Variants in ERBB4 observed in about 807,000 individuals in gnomAD.
ERBB4 encodes erb-b2 receptor tyrosine kinase 4.
ERBB4 carries 42 observed loss-of-function variants against 158.0 expected under a neutral mutation model. The observed-to-expected ratio is 0.27, with a 90% CI of 0.21 to 0.34. The LOEUF (loss-of-function observed/expected upper bound fraction) is 0.34. ERBB4 is among the 10% of genes least tolerant of loss of function. ERBB4 has a pLI of 1.00. For missense variants in ERBB4, 1,333 were observed against 1,624.1 expected (o/e 0.82, Z 3.08); for synonymous variants, 583 against 558.7 (o/e 1.04, Z -0.61).
intron 1 of ERBB4, among the ~76,000 whole-genome samples, chr2:212,137,365 C>G (rs1384252347): frequency 1.3e-5 from 2 of 152,054 alleles, no homozygotes; most frequent in African/African-American, 4.8e-5. Flanking sequence ...GTGTACTGTT[C>G]CCCTCTGTGT....
chr2:211,510,942 CAGTATAAA>C (rs1338506832), intron 20 of ERBB4, among the ~76,000 whole-genome samples: 2 of 151,496 alleles, frequency 1.3e-5, no homozygotes, highest in African/African-American at 4.8e-5. Context: ...TTTAAGATCA[CAGTATAAA>C]ATAGACAAGA....
intron 20 of ERBB4, among the ~76,000 whole-genome samples, chr2:211,498,220 T>C (rs1219427655): frequency 6.6e-6 from 1 of 152,086 alleles, no homozygotes; most frequent in African/African-American, 2.4e-5. Flanking sequence ...TCTATAACTA[T>C]CAGTGTTCTA....
At chr2:211,700,773 C>A (rs2073205285) in intron 12 of ERBB4, among the ~76,000 whole-genome samples, 1 of 152,028 alleles carries the variant, frequency 6.6e-6, no homozygotes, top group Non-Finnish European at 1.5e-5. Flanking sequence ...TATGTGTACC[C>A]TGGAGAGATC....
At chr2:212,424,022 C>T (rs541425787) in intron 1 of ERBB4, among the ~76,000 whole-genome samples, 4 of 152,060 alleles carry the variant, frequency 2.6e-5, no homozygotes, top group Admixed American at 6.6e-5. Context: ...ATACAATCTA[C>T]AATTATTAAT....
In ERBB4 at chr2:211,763,040, T is replaced by TTG. The variant is rs1335683075; in HGVS notation, c.557-12338_557-12337dup. Among the ~76,000 whole-genome samples, 26 of 149,168 alleles carry TTG rather than the reference T, an allele frequency of 1.7e-4. No homozygotes were observed. In the South Asian group the frequency reaches 4.8e-3, roughly 28 times the overall value. On this transcript the variant is annotated intron_variant, in intron 4 of 27. Coordinates refer to ENST00000342788, the MANE Select transcript of ERBB4 (RefSeq NM_005235.3). Reference sequence around the variant, plus strand: ...AAGTGTGCATTACAACATCTAGGGATTGTGTGTGTGTGTGGTGTGTGTGTG... The same window carrying TTG: ...AAGTGTGCATTACAACATCTAGGGATTGTGTGTGTGTGTGTGGTGTGTGTGTG...
Position 211,378,548 on chromosome 2 carries a change from A to G in ERBB4, c.*5067T>C, listed in dbSNP as rs906288107. On this transcript the variant is annotated 3_prime_UTR_variant, in exon 28 of 28. Coordinates refer to ENST00000342788, the MANE Select transcript of ERBB4 (RefSeq NM_005235.3). ...GGGCCCCTGGCCCGACACAATGCCC[A>G]CAACAGCTTCTTGTTTCCAACTGCA... 2.1e-5 allele frequency: 5 copies of G among 232,782 alleles called. No individual in the cohort carries two copies. The highest frequency in any genetic ancestry group is 1.1e-4 in the African/African-American group (5 of 45,320). 14.4% of individuals were successfully genotyped at this position (232,782 alleles called of 1,614,324 possible).
At chr2:211,850,694 A>T (rs2106030994) in intron 3 of ERBB4, among the ~76,000 whole-genome samples, 1 of 152,018 alleles carries the variant, frequency 6.6e-6, no homozygotes, top group Admixed American at 6.6e-5. Flanking sequence ...GTATTAATTC[A>T]TATGGCTGGT....
At chr2:211,585,132 C>G (rs1165409043) in intron 19 of ERBB4, among the ~76,000 whole-genome samples, 1 of 151,990 alleles carries the variant, frequency 6.6e-6, no homozygotes, top group Non-Finnish European at 1.5e-5. Flanking sequence ...GCGGGCGGAT[C>G]ACGAAGTCAG....
chr2:211,879,473 C>A (rs891341137), intron 3 of ERBB4, among the ~76,000 whole-genome samples: 1 of 152,178 alleles, frequency 6.6e-6, no homozygotes, highest in Non-Finnish European at 1.5e-5. Context: ...TCATCTATTA[C>A]ACTAGCAAAT....
chr2:211,733,480 A>G (rs2074496561), intron 5 of ERBB4, among the ~76,000 whole-genome samples: 1 of 147,464 alleles, frequency 6.8e-6, no homozygotes, highest in Non-Finnish European at 1.5e-5. Context: ...ATTTTTAAAA[A>G]TTAGAATTGA....
rs138746366 is a variant in ERBB4 at position 212,408,799 on chromosome 2, C to G, written c.82+129650G>C. On this transcript the variant is annotated intron_variant, in intron 1 of 27. Coordinates refer to ENST00000342788, the MANE Select transcript of ERBB4 (RefSeq NM_005235.3). Reference sequence around the variant, plus strand: ...TCCAGTATGCAGCACAGATTGGGAACCAGAATTTTACTAAACTTTCCCTAA... The same window carrying G: ...TCCAGTATGCAGCACAGATTGGGAAGCAGAATTTTACTAAACTTTCCCTAA... Among the ~76,000 whole-genome samples the G allele has an allele frequency of 7.3e-3, 1,118 of 152,214 alleles. 8 individuals are homozygous for G. The highest frequency in any genetic ancestry group is 0.024 in the Middle Eastern group (7 of 294).
intron 2 of ERBB4, among the ~76,000 whole-genome samples, chr2:212,067,428 T>C (rs2077977986): frequency 6.6e-6 from 1 of 152,008 alleles, no homozygotes. Flanking sequence ...TTTTGAGTTT[T>C]TATTATCTAC....
chr2:212,267,599 T>TTTTTC (rs1559884859), intron 1 of ERBB4, among the ~76,000 whole-genome samples: 3 of 41,638 alleles, frequency 7.2e-5, no homozygotes, highest in African/African-American at 1.3e-4. Flanking sequence ...TCTCATTTCT[T>TTTTTC]TTTTTTTTTT....
chr2:211,917,766 C>A (rs1399788782), intron 3 of ERBB4, among the ~76,000 whole-genome samples: 1 of 152,156 alleles, frequency 6.6e-6, no homozygotes, highest in Non-Finnish European at 1.5e-5. Flanking sequence ...GAGTCAGATT[C>A]TGGATGACAT....
At chr2:212,182,103 A>G (rs913960480) in intron 1 of ERBB4, among the ~76,000 whole-genome samples, 14 of 151,948 alleles carry the variant, frequency 9.2e-5, no homozygotes, top group Middle Eastern at 6.8e-3. Context: ...GTATCATAAT[A>G]ATAGTTAACA....
intron 2 of ERBB4, among the ~76,000 whole-genome samples, chr2:211,958,405 A>G (rs1192363603): frequency 2.6e-5 from 4 of 152,126 alleles, no homozygotes; most frequent in Non-Finnish European, 4.4e-5. Flanking sequence ...ACAACTTTCT[A>G]AGTAGCTATT....
intron 1 of ERBB4, among the ~76,000 whole-genome samples, chr2:212,464,549 C>T (rs374285546): frequency 2.0e-5 from 3 of 152,014 alleles, no homozygotes; most frequent in East Asian, 3.9e-4. Flanking sequence ...ATTTAATTTC[C>T]TATTCTCATT....
At chr2:211,419,357 T>TATTA (rs1413906494) in intron 25 of ERBB4, among the ~76,000 whole-genome samples, 1 of 152,088 alleles carries the variant, frequency 6.6e-6, no homozygotes, top group African/African-American at 2.4e-5. Flanking sequence ...GAATATTACT[T>TATTA]ATTACAATCA....
chr2:211,393,442 C>G (rs976213573), intron 25 of ERBB4, among the ~76,000 whole-genome samples: 2 of 152,140 alleles, frequency 1.3e-5, no homozygotes, highest in African/African-American at 4.8e-5. Flanking sequence ...ACTCTATGAC[C>G]TTAACATTAT....
Sources: gnomAD v4.1 joint callset for allele counts (sites outside exome capture counted in the v4.1 genomes callset) on GRCh38, gnomAD v4.1.1 for gene constraint, MANE v1.5 for transcripts, NCBI Gene and HGNC (gene_info 2026-07-23, HGNC 2026-07-21) for gene names.